The following FIRRM variants were observed in gnomAD, a reference collection of about 807,000 sequenced individuals.
FIRRM encodes the protein FIGNL1-interacting regulator of recombination and mitosis.
chr1:169,811,121 A>G, the FIRRM span, among the ~76,000 whole-genome samples: 2 of 151,722 alleles, frequency 1.3e-5, no homozygotes, highest in Admixed American at 1.3e-4. Flanking sequence ...CGGCCTCCCA[A>G]AGTGCTGGGA....
chr1:169,831,269 T>C, the FIRRM span, among the ~76,000 whole-genome samples: 1 of 152,226 alleles, frequency 6.6e-6, no homozygotes, highest in South Asian at 2.1e-4. Flanking sequence ...ATCTTAACAT[T>C]AACATTTTTT....
chr1:169,823,528 G>A, the FIRRM span: 2 of 1,041,454 alleles, frequency 1.9e-6, no homozygotes, highest in Middle Eastern at 2.1e-4. Flanking sequence ...GTGCCATGCA[G>A]TGCTTAAGTA....
chr1:169,823,121 C>T, the FIRRM span, among the ~76,000 whole-genome samples: 1 of 151,922 alleles, frequency 6.6e-6, no homozygotes, highest in African/African-American at 2.4e-5. Context: ...CATGGTGGTA[C>T]ATGCCTGTAA....
the FIRRM span, chr1:169,795,113 A>G: frequency 6.5e-7 from 1 of 1,535,954 alleles, no homozygotes. Flanking sequence ...ATGTCTCAGG[A>G]AGGTGCGGTC....
At chr1:169,818,156 C>T in the FIRRM span, among the ~76,000 whole-genome samples, 1 of 152,178 alleles carries the variant, frequency 6.6e-6, no homozygotes, top group Non-Finnish European at 1.5e-5. Flanking sequence ...CTTCAGTAGT[C>T]TTCAATTACA....
the FIRRM span, among the ~76,000 whole-genome samples, chr1:169,801,861 G>T: frequency 6.6e-6 from 1 of 152,054 alleles, no homozygotes; most frequent in African/African-American, 2.4e-5. Context: ...CAAATTTCTT[G>T]TACTCATAGT....
the FIRRM span, chr1:169,850,376 C>A: frequency 2.8e-6 from 4 of 1,450,448 alleles, no homozygotes; most frequent in African/African-American, 1.4e-5. Flanking sequence ...ATGTTTTATT[C>A]TTTGTCCTAT....
chr1:169,836,825 C>T, the FIRRM span: 2 of 785,332 alleles, frequency 2.5e-6, no homozygotes, highest in Admixed American at 3.1e-5. Flanking sequence ...CATTATAAAG[C>T]TTTCTCGAAA....
the FIRRM span, among the ~76,000 whole-genome samples, chr1:169,843,115 TA>T: frequency 2.0e-5 from 3 of 152,334 alleles, no homozygotes; most frequent in South Asian, 6.2e-4. Context: ...TAGAGGAAGC[TA>T]AAGGCAACAG....
At chr1:169,806,003 G>T in the FIRRM span, 3 of 1,583,820 alleles carry the variant, frequency 1.9e-6, no homozygotes, top group African/African-American at 4.1e-5. Context: ...TTTCTTTGCA[G>T]TTATTCATTC....
chr1:169,842,531 A>T, the FIRRM span: 1 of 1,613,796 alleles, frequency 6.2e-7, no homozygotes. Flanking sequence ...TTTTTTAAAC[A>T]TTAAACAGGT....
the FIRRM span, among the ~76,000 whole-genome samples, chr1:169,846,032 A>C: frequency 6.6e-6 from 1 of 152,218 alleles, no homozygotes; most frequent in Non-Finnish European, 1.5e-5. Flanking sequence ...AGTCACAATT[A>C]TTCCTTGATT....
chr1:169,790,391 G>T, the FIRRM span, among the ~76,000 whole-genome samples: 2 of 152,054 alleles, frequency 1.3e-5, no homozygotes, highest in Admixed American at 6.6e-5. Flanking sequence ...TCTCCATGTT[G>T]GTCAGGGTGG....
the FIRRM span, among the ~76,000 whole-genome samples, chr1:169,813,271 A>T: frequency 6.6e-6 from 1 of 152,230 alleles, no homozygotes; most frequent in African/African-American, 2.4e-5. Flanking sequence ...ATTATAGATG[A>T]GAAAACTGGG....
the FIRRM span, chr1:169,795,358 T>C: frequency 7.1e-7 from 1 of 1,411,434 alleles, no homozygotes; most frequent in African/African-American, 1.5e-5. Context: ...GTGAGTGGGA[T>C]GAAAAGTGAG....
chr1:169,788,560 C>G, the FIRRM span, among the ~76,000 whole-genome samples: 1 of 152,144 alleles, frequency 6.6e-6, no homozygotes, highest in Non-Finnish European at 1.5e-5. Flanking sequence ...TTCGAGGAGT[C>G]AAAAGGTGTA....
At chr1:169,853,059 C>A in the FIRRM span, 1 of 1,476,256 alleles carries the variant, frequency 6.8e-7, no homozygotes, top group Non-Finnish European at 9.4e-7. Context: ...CATTTTCTAA[C>A]AGATATAAAA....
chr1:169,794,822 T>C, the FIRRM span: 1 of 428,920 alleles, frequency 2.3e-6, no homozygotes, highest in Non-Finnish European at 4.3e-6. Flanking sequence ...GACCTGGGGA[T>C]GCTTGCTTCC....
chr1:169,815,502 T>C, the FIRRM span, among the ~76,000 whole-genome samples: 1 of 152,136 alleles, frequency 6.6e-6, no homozygotes, highest in Non-Finnish European at 1.5e-5. Context: ...TTCTGGTTGT[T>C]GCCAGGGTAT....
Sources: gnomAD v4.1 joint callset for allele counts (sites outside exome capture counted in the v4.1 genomes callset) on GRCh38, gnomAD v4.1.1 for gene constraint, MANE v1.5 for transcripts, NCBI Gene and HGNC (gene_info 2026-07-23, HGNC 2026-07-21) for gene names.